The following NPHP4 variants were observed in gnomAD, a reference collection of about 807,000 sequenced individuals.
NPHP4 encodes nephrocystin-4.
In NPHP4, 151 loss-of-function variants were observed where a neutral mutation model predicts 155.8. That is an observed-to-expected ratio of 0.97 (90% confidence interval 0.85 to 1.11). NPHP4 has a LOEUF of 1.11. Among genes scored for constraint, NPHP4 ranks in the 50% least tolerant of loss-of-function variants. The pLI is 0.00. For synonymous variants in NPHP4, 845 were observed against 816.8 expected (o/e 1.03, Z -0.59); for missense variants, 1,956 against 1,925.7 (o/e 1.02, Z -0.29).
At chr1:5,881,789 C>G (rs1377698411) in intron 18 of NPHP4, 1 of 152,260 alleles carries the variant, frequency 6.6e-6, no homozygotes, top group African/African-American at 2.4e-5. Context: ...GGATCTCAGT[C>G]CAAGCCAGGC....
intron 4 of NPHP4, among the ~76,000 whole-genome samples, chr1:5,968,469 G>A (rs1200179685): frequency 6.6e-6 from 1 of 152,118 alleles, no homozygotes; most frequent in Non-Finnish European, 1.5e-5. Flanking sequence ...AGGCATGGTG[G>A]CACAGACCTG....
intron 11 of NPHP4, among the ~76,000 whole-genome samples, chr1:5,911,080 G>A (rs1645158080): frequency 6.6e-6 from 1 of 152,228 alleles, no homozygotes; most frequent in Admixed American, 6.5e-5. Flanking sequence ...ATGAGCTCAC[G>A]TGCTCGGAGG....
Position 5,867,963 on chromosome 1 carries a change from T to C in NPHP4, c.3316-67A>G, listed in dbSNP as rs1202084191. On this transcript the variant is annotated intron_variant, in intron 23 of 29. Transcript: ENST00000378156. This position sits in a 1 kb window ranked among gnomAD's most constrained non-coding sequence, Gnocchi z 4.1. ...TTGTGAGCAGCTTCTTGTCCCTCCT[T>C]AGACAGCACACGTATCTCCACTGTT... 1.3e-6 allele frequency: 2 copies of C among 1,531,650 alleles called. No homozygotes were observed. The highest frequency in any genetic ancestry group is 1.4e-5 in the African/African-American group (1 of 73,242). 94.9% of individuals were successfully genotyped at this position (1,531,650 alleles called of 1,614,324 possible).
intron 16 of NPHP4, among the ~76,000 whole-genome samples, chr1:5,897,423 G>A (rs1644447124): frequency 6.6e-6 from 1 of 152,226 alleles, no homozygotes; most frequent in Non-Finnish European, 1.5e-5. Context: ...GAGATAGTCT[G>A]ACATTCGCGC....
intron 23 of NPHP4, among the ~76,000 whole-genome samples, chr1:5,870,231 AG>A (rs1378573385): frequency 6.6e-6 from 1 of 152,230 alleles, no homozygotes; most frequent in Non-Finnish European, 1.5e-5. Context: ...GACTCAAAGG[AG>A]GACAGGGGTG....
Position 5,890,508 on chromosome 1 carries a change from G to A in NPHP4, c.2304+360C>T, listed in dbSNP as rs1424301086. ...CACACTGCACACCCCAGTCATTCGCGTATCCATTCATTCATCCTCAACCCA... is the reference window on the plus strand; with the variant it reads ...CACACTGCACACCCCAGTCATTCGCATATCCATTCATTCATCCTCAACCCA... On this transcript the variant is annotated intron_variant, in intron 17 of 29. Coordinates refer to ENST00000378156, the MANE Select transcript of NPHP4 (RefSeq NM_015102.5). This position sits in a 1 kb window ranked among gnomAD's most constrained non-coding sequence, Gnocchi z 4.9. 2.0e-5 allele frequency among the ~76,000 whole-genome samples: 3 copies of A among 152,110 alleles called. No homozygotes were observed. The highest frequency in any genetic ancestry group is 4.8e-5 in the African/African-American group (2 of 41,420).
At chr1:5,981,658 C>A (rs1462885452) in intron 2 of NPHP4, among the ~76,000 whole-genome samples, 1 of 152,200 alleles carries the variant, frequency 6.6e-6, no homozygotes, top group Non-Finnish European at 1.5e-5. Flanking sequence ...ATAAGACTAT[C>A]TATACCAAAC....
chr1:5,873,873 A>C, intron 22 of NPHP4: 1 of 212,744 alleles, frequency 4.7e-6, no homozygotes, highest in Non-Finnish European at 9.3e-6. Flanking sequence ...CACACCTCAC[A>C]CACTCCCTGC....
chr1:5,864,592 G>A, intron 27 of NPHP4, 75 bp from the exon 28 acceptor site: 1 of 1,360,830 alleles, frequency 7.3e-7, no homozygotes, highest in Non-Finnish European at 9.8e-7. Flanking sequence ...GGCGCCTGCA[G>A]CCCAATCAGC....
At chr1:5,863,832 C>T in intron 29 of NPHP4, 58 bp downstream of exon 29, 2 of 1,570,350 alleles carry the variant, frequency 1.3e-6, no homozygotes, top group East Asian at 2.2e-5. Context: ...AGGCTAACTG[C>T]CCTCCATTCA....
In NPHP4 at chr1:5,874,259, G is replaced by A. The variant is rs149230307; in HGVS notation, c.3231+212C>T. ...AAATTAGGAGGAGATGGTCCAGCTC[G>A]ACACCCATCAGGCTGGAAAAGAGAA... is the stretch of plus-strand genomic sequence containing the variant. On this transcript the variant is annotated intron_variant, in intron 22 of 29. Coordinates refer to ENST00000378156, the MANE Select transcript of NPHP4 (RefSeq NM_015102.5). 3.7e-3 allele frequency among the ~76,000 whole-genome samples: 556 copies of A among 151,982 alleles called. 17 individuals carry two copies. The highest frequency in any genetic ancestry group is 5.0e-3 in the Non-Finnish European group (338 of 67,908).
chr1:5,879,673 G>T (rs755000383), intron 19 of NPHP4: 1 of 507,132 alleles, frequency 2.0e-6, no homozygotes, highest in Non-Finnish European at 3.9e-6. Context: ...GCTCGGTGGG[G>T]CCTGTGGGTC....
At chr1:5,953,276 T>C (rs1648538460) in intron 6 of NPHP4, among the ~76,000 whole-genome samples, 1 of 152,300 alleles carries the variant, frequency 6.6e-6, no homozygotes, top group African/African-American at 2.4e-5. Context: ...CAGCTAATTT[T>C]TGTATTTTTA....
At chr1:5,884,933 C>T (rs1257717505) in intron 18 of NPHP4, among the ~76,000 whole-genome samples, 1 of 144,574 alleles carries the variant, frequency 6.9e-6, no homozygotes, top group Non-Finnish European at 1.5e-5. Context: ...TACTCGACAA[C>T]CAAGATCACT....
intron 16 of NPHP4, among the ~76,000 whole-genome samples, chr1:5,897,357 G>T (rs1644443668): frequency 6.6e-6 from 1 of 152,150 alleles, no homozygotes; most frequent in Non-Finnish European, 1.5e-5. Flanking sequence ...TCTTTCTACA[G>T]GAGAAACCTG....
chr1:5,873,409 C>T, intron 22 of NPHP4, 74 bp from the exon 23 acceptor site: 2 of 1,178,168 alleles, frequency 1.7e-6, no homozygotes, highest in South Asian at 1.2e-5. Context: ...CTTAGAGACA[C>T]CACTGCCACC....
intron 11 of NPHP4, among the ~76,000 whole-genome samples, chr1:5,914,261 A>C (rs929349231): frequency 7.9e-6 from 1 of 126,188 alleles, no homozygotes; most frequent in African/African-American, 4.0e-5. Flanking sequence ...TCTATACAAA[A>C]AAAAAAAAAA....
rs1386809670 is a variant in NPHP4, at chr1:5,948,225, G to A, written c.837C>T (p.Ala279=). 2 of 1,589,522 alleles carry A rather than the reference G, an allele frequency of 1.3e-6. No homozygotes were observed. Among genetic ancestry groups the A allele is most frequent in the Non-Finnish European group, 1.7e-6 (2 of 1,170,790 alleles). Residue 279 remains alanine, a synonymous_variant, in exon 8 of 30, where the codon GCC becomes GCT. Transcript: ENST00000378156. ...QEGCGPLDGG[A]LEILERRLRV... ...GCAGGCGCCGCTCCAGGATCTCCAG[G>A]GCACCACCGTCCAGTGGGCCACATC...
intron 22 of NPHP4, chr1:5,873,552 C>G: frequency 1.7e-6 from 1 of 593,298 alleles, no homozygotes; most frequent in Non-Finnish European, 3.0e-6. Flanking sequence ...GGAAACCCGG[C>G]TCTGCCTGAA....
Sources: allele counts gnomAD v4.1 joint callset (sites outside exome capture counted in the v4.1 genomes callset), GRCh38; gene constraint gnomAD v4.1.1; non-coding constraint Gnocchi (gnomAD v3.1); transcripts MANE v1.5; gene names NCBI Gene and HGNC (gene_info 2026-07-23, HGNC 2026-07-21).